MYO1D: variants seen among roughly 807,000 people sequenced by gnomAD.
MYO1D encodes the protein myosin ID.
Under a neutral mutation model 122.0 loss-of-function variants are expected in MYO1D, and 83 were observed. The observed-to-expected ratio is 0.68, with a 90% CI of 0.57 to 0.82. MYO1D has a LOEUF of 0.82. MYO1D is among the 40% of genes least tolerant of loss of function. The pLI, the probability that MYO1D is intolerant of heterozygous loss-of-function variation, is 0.00. For synonymous variants in MYO1D, 464 were observed against 446.9 expected (o/e 1.04, Z -0.48); for missense variants, 1,157 against 1,269.5 (o/e 0.91, Z 1.35).
intron 20 of MYO1D, among the ~76,000 whole-genome samples, chr17:32,633,685 G>A: frequency 6.7e-6 from 1 of 149,578 alleles, no homozygotes; most frequent in South Asian, 2.1e-4. Context: ...CACATTTCCA[G>A]CCCCCACCCC....
At chr17:32,692,052 T>G (rs984775655) in intron 16 of MYO1D, among the ~76,000 whole-genome samples, 1 of 152,222 alleles carries the variant, frequency 6.6e-6, no homozygotes, top group Non-Finnish European at 1.5e-5. Flanking sequence ...CTTTTGTATA[T>G]TAAAGGTATT....
intron 21 of MYO1D, among the ~76,000 whole-genome samples, chr17:32,522,283 C>A (rs1172382291): frequency 6.6e-6 from 1 of 152,122 alleles, no homozygotes; most frequent in Admixed American, 6.6e-5. Context: ...TTCCATCTCA[C>A]CACTAAAGGC....
In MYO1D at chr17:32,493,352, C is replaced by T. The variant is rs141712695; in HGVS notation, c.*1407G>A. The T allele has an allele frequency of 1.6e-3, 246 of 152,480 alleles. No homozygotes were observed. Among genetic ancestry groups the T allele is most frequent in the Middle Eastern group, 6.8e-3 (2 of 296 alleles). 9.4% of individuals were successfully genotyped at this position (152,480 alleles called of 1,614,324 possible). A position where few individuals can be genotyped will look rare whatever the true frequency, so the allele number is the denominator to read the frequency against. On this transcript the variant is annotated 3_prime_UTR_variant, in exon 22 of 22. Coordinates refer to ENST00000318217, the MANE Select transcript of MYO1D (RefSeq NM_015194.3). ...CTCTGGGGTCAGGCCCTGGGTGAGG[C>T]ACAGGAGGCTGCACACAGGCACTTG...
chr17:32,862,529 T>C (rs1175734489), intron 1 of MYO1D, among the ~76,000 whole-genome samples: 1 of 152,234 alleles, frequency 6.6e-6, no homozygotes, highest in Non-Finnish European at 1.5e-5. Flanking sequence ...TTTATATGTC[T>C]AGAAAAGACT....
At chr17:32,743,092 ACTTC>A (rs1443061070) in intron 13 of MYO1D, among the ~76,000 whole-genome samples, 4 of 152,256 alleles carry the variant, frequency 2.6e-5, no homozygotes, top group Admixed American at 6.5e-5. Flanking sequence ...TTCCTTGTTT[ACTTC>A]CTTCCTCACT....
intron 1 of MYO1D, among the ~76,000 whole-genome samples, chr17:32,858,838 T>G (rs1294271422): frequency 1.3e-5 from 2 of 152,260 alleles, no homozygotes; most frequent in Non-Finnish European, 2.9e-5. Flanking sequence ...GTTTCCGATT[T>G]CATTTTGATG....
intron 16 of MYO1D, among the ~76,000 whole-genome samples, chr17:32,686,975 A>G: frequency 1.1e-5 from 1 of 93,874 alleles, no homozygotes; most frequent in African/African-American, 4.2e-5. Flanking sequence ...ACACACACAC[A>G]CACACACACA....
At chr17:32,562,838 T>C (rs2087138256) in intron 21 of MYO1D, among the ~76,000 whole-genome samples, 1 of 152,218 alleles carries the variant, frequency 6.6e-6, no homozygotes, top group Non-Finnish European at 1.5e-5. Flanking sequence ...TGTTATTTTT[T>C]CCCTTTAATT....
rs1300710335 is a variant in MYO1D, at chr17:32,760,377, G to A, written c.1209C>T (p.Cys403=). The change falls in exon 10 of 22, where the codon TGC becomes TGT. Residue 403 remains cysteine (C), a synonymous_variant. Coordinates refer to ENST00000318217, the MANE Select transcript of MYO1D (RefSeq NM_015194.3). ...TAAATAGCTGCTGCAGTTTCTCATT[G>A]CAGTAATTGATACAGAATTGTTCAA... is the stretch of plus-strand genomic sequence containing the variant. The part of the protein sequence containing the change: ...NSFEQFCINY[C]NEKLQQLFIQ... 1.9e-6 allele frequency: 3 copies of A among 1,611,910 alleles called. No homozygotes were observed. In the South Asian group the frequency reaches 3.3e-5, roughly 18 times the overall value.
intron 16 of MYO1D, among the ~76,000 whole-genome samples, chr17:32,667,428 T>C (rs2088651891): frequency 1.3e-5 from 2 of 152,222 alleles, no homozygotes; most frequent in Admixed American, 1.3e-4. Flanking sequence ...GTGAATATAA[T>C]TTATAGGCTA....
At chr17:32,793,775 T>G (rs2090383366) in intron 1 of MYO1D, among the ~76,000 whole-genome samples, 1 of 152,184 alleles carries the variant, frequency 6.6e-6, no homozygotes, top group South Asian at 2.1e-4. Context: ...GGCTGCAGTT[T>G]AGCACTGACT....
intron 16 of MYO1D, among the ~76,000 whole-genome samples, chr17:32,699,338 A>G (rs1053516030): frequency 6.6e-6 from 1 of 152,208 alleles, no homozygotes; most frequent in South Asian, 2.1e-4. Flanking sequence ...TTAATATTAC[A>G]TATCAAGTTT....
At chr17:32,725,475 C>T (rs369910517) in intron 14 of MYO1D, among the ~76,000 whole-genome samples, 6 of 151,044 alleles carry the variant, frequency 4.0e-5, no homozygotes, top group South Asian at 2.1e-4. Flanking sequence ...GAGCTGAGAT[C>T]GCGCCACTGC....
intron 1 of MYO1D, among the ~76,000 whole-genome samples, chr17:32,819,858 G>A (rs2090645087): frequency 1.3e-5 from 2 of 152,200 alleles, no homozygotes; most frequent in Admixed American, 1.3e-4. Flanking sequence ...AGTGAACTTT[G>A]GGTAACCTGC....
At chr17:32,793,813 A>G (rs549980064) in intron 1 of MYO1D, among the ~76,000 whole-genome samples, 2 of 152,316 alleles carry the variant, frequency 1.3e-5, no homozygotes, top group South Asian at 4.1e-4. Flanking sequence ...GAAGCTGTTT[A>G]ACCTCCCTGT....
At chr17:32,593,798 G>A (rs1178064051) in intron 21 of MYO1D, among the ~76,000 whole-genome samples, 1 of 152,176 alleles carries the variant, frequency 6.6e-6, no homozygotes, top group Admixed American at 6.5e-5. Context: ...TTAGCCGGGC[G>A]TGGTGGAGCA....
intron 20 of MYO1D, among the ~76,000 whole-genome samples, chr17:32,611,792 T>A (rs1404822672): frequency 6.6e-6 from 1 of 152,228 alleles, no homozygotes; most frequent in Non-Finnish European, 1.5e-5. Flanking sequence ...TGAGCCGAGA[T>A]CATGCCACTG....
At chr17:32,846,579 G>C (rs2090939611) in intron 1 of MYO1D, among the ~76,000 whole-genome samples, 1 of 152,140 alleles carries the variant, frequency 6.6e-6, no homozygotes, top group Non-Finnish European at 1.5e-5. Flanking sequence ...TAAATAAAAA[G>C]GGAAGCAGAC....
intron 21 of MYO1D, among the ~76,000 whole-genome samples, chr17:32,593,955 C>T (rs890428924): frequency 6.6e-6 from 1 of 152,156 alleles, no homozygotes; most frequent in African/African-American, 2.4e-5. Flanking sequence ...AAAACAAAAC[C>T]AGTTATATAT....
Sources: allele counts gnomAD v4.1 joint callset (sites outside exome capture counted in the v4.1 genomes callset), GRCh38; gene constraint gnomAD v4.1.1; transcripts MANE v1.5; gene names NCBI Gene and HGNC (gene_info 2026-07-23, HGNC 2026-07-21).